Variants in ARFGEF1 observed in about 807,000 individuals in gnomAD.
ARFGEF1 encodes the protein brefeldin A-inhibited guanine nucleotide-exchange protein 1.
In ARFGEF1, 42 loss-of-function variants were observed where a neutral mutation model predicts 231.0. That is an observed-to-expected ratio of 0.18 (90% CI 0.14 to 0.24). The LOEUF (loss-of-function observed/expected upper bound fraction) is 0.24, where lower values mean the gene tolerates loss of function less well. Among genes scored for constraint, ARFGEF1 ranks in the 10% least tolerant of loss-of-function variants. The pLI is 1.00. For synonymous variants in ARFGEF1, 710 were observed against 732.3 expected (o/e 0.97, Z 0.49); for missense variants, 1,345 against 2,192.0 (o/e 0.61, Z 7.72).
chr8:67,177,567 G>C, intron 5 of ARFGEF1: 1 of 677,976 alleles, frequency 1.5e-6, no homozygotes, highest in South Asian at 1.9e-5. Flanking sequence ...AAGTGTGATA[G>C]TTGAAAAGTA....
In ARFGEF1 at chr8:67,266,210, G is replaced by A. The variant is rs1340693556; in HGVS notation, c.1922-3C>T. On this transcript the variant is annotated splice_polypyrimidine_tract_variant and splice_region_variant and intron_variant, in intron 13 of 38. Transcript: ENST00000262215. ...TTGCTCTGAGGGTTTTTCCTGACCT[G>A]AAAGAAGAAAAATTGATAGAGTACA... 4 of 1,609,904 alleles carry A rather than the reference G, an allele frequency of 2.5e-6. No individual in the cohort carries two copies. The highest frequency in any genetic ancestry group is 3.4e-5 in the Admixed American group (2 of 59,610).
rs1465011730 is a variant in ARFGEF1, at chr8:67,266,943, C to T, written c.1854G>A (p.Ser618=). The T allele has an allele frequency of 9.9e-6, 16 of 1,613,444 alleles. No homozygotes were observed. Among genetic ancestry groups the T allele is most frequent in the Admixed American group, 3.3e-5 (2 of 59,968 alleles). ...LRKKGLECLV[S]ILKCMVEWSK... ...TCCATTCAACCATACACTTCAAAAT[C>T]GACACTAAGCATTCTAAACCTTTTT... The change falls in exon 13 of 39, where the codon TCG becomes TCA. Residue 618 remains serine (S), a synonymous_variant. Transcript: ENST00000262215.
At chr8:67,199,842 G>A (rs757149400) in intron 38 of ARFGEF1, 25 of 175,320 alleles carry the variant, frequency 1.4e-4, no homozygotes, top group Admixed American at 3.8e-4. Flanking sequence ...TAAGAATAGA[G>A]TGTACATTTT....
At chr8:67,252,282 C>CAAAAA (rs57653248) in intron 18 of ARFGEF1, among the ~76,000 whole-genome samples, 5 of 21,874 alleles carry the variant, frequency 2.3e-4, no homozygotes, top group Non-Finnish European at 5.0e-4. Flanking sequence ...AACTCCATCT[C>CAAAAA]AAAAAAAAAA....
intron 2 of ARFGEF1, among the ~76,000 whole-genome samples, chr8:67,301,840 T>A (rs1345500282): frequency 6.6e-6 from 1 of 152,230 alleles, no homozygotes. Flanking sequence ...AAGAAAAGAC[T>A]CTGAAGCCTA....
At position 67,197,787 on chromosome 8, in the gene ARFGEF1, A is replaced by G; in HGVS notation, c.*1147T>C. On this transcript the variant is annotated 3_prime_UTR_variant, in exon 39 of 39. Coordinates refer to ENST00000262215, the MANE Select transcript of ARFGEF1 (RefSeq NM_006421.5). The stretch of plus-strand genomic sequence containing the variant: ...TTTACATAGAAAACTTTACATCTGT[A>G]CCATATACATTTTGTCCATCTGAAA... 2.0e-6 allele frequency: 2 copies of G among 985,894 alleles called. No homozygotes were observed. The highest frequency in any genetic ancestry group is 2.4e-6 in the Non-Finnish European group (2 of 829,930). The allele number at this position is 985,894 out of a possible 1,614,324, so 61.1% of individuals were successfully genotyped here.
chr8:67,338,296 T>C (rs1167646199), intron 1 of ARFGEF1, among the ~76,000 whole-genome samples: 1 of 152,196 alleles, frequency 6.6e-6, no homozygotes, highest in African/African-American at 2.4e-5. Flanking sequence ...AAACCTCTTC[T>C]AGAAGATGGT....
At chr8:67,330,472 C>A (rs1808050290) in intron 1 of ARFGEF1, among the ~76,000 whole-genome samples, 1 of 152,112 alleles carries the variant, frequency 6.6e-6, no homozygotes, top group Non-Finnish European at 1.5e-5. Context: ...TTCAAACACA[C>A]AGATTCATCA....
downstream of ARFGEF1, chr8:67,195,298 T>TGAG: frequency 2.4e-6 from 2 of 838,206 alleles, no homozygotes; most frequent in Non-Finnish European, 4.2e-6. Context: ...TGAGTTGTAA[T>TGAG]GAGTTGGACT....
chr8:67,192,800 A>T (rs1203390247), downstream of ARFGEF1, among the ~76,000 whole-genome samples: 2 of 151,400 alleles, frequency 1.3e-5, no homozygotes, highest in Non-Finnish European at 3.0e-5. Flanking sequence ...CTCCGTCCAT[A>T]AACGTAAGGA....
intron 1 of ARFGEF1, among the ~76,000 whole-genome samples, chr8:67,326,293 T>C (rs951261007): frequency 6.6e-6 from 1 of 152,216 alleles, no homozygotes; most frequent in Admixed American, 6.5e-5. Context: ...AACTGATAAA[T>C]GGCAGTTTCC....
chr8:67,201,351 A>G (rs749675088), intron 37 of ARFGEF1, 116 bp downstream of exon 37: 39 of 1,293,444 alleles, frequency 3.0e-5, no homozygotes, highest in Non-Finnish European at 4.1e-5. Flanking sequence ...GCTCTGTGGA[A>G]TAGGGGCATC....
downstream of ARFGEF1, chr8:67,195,849 C>T (rs898853393): frequency 2.8e-4 from 117 of 419,834 alleles, no homozygotes; most frequent in East Asian, 5.2e-3. Context: ...CTGGATTGAA[C>T]TACTATATGT....
intron 1 of ARFGEF1, among the ~76,000 whole-genome samples, chr8:67,316,517 GTGGCGC>G (rs1377994516): frequency 2.0e-5 from 3 of 151,664 alleles, no homozygotes; most frequent in African/African-American, 7.3e-5. Flanking sequence ...CTGGAGTGCA[GTGGCGC>G]AATCACAGCT....
chr8:67,204,156 A>G (rs997257336), intron 35 of ARFGEF1, among the ~76,000 whole-genome samples: 4 of 152,124 alleles, frequency 2.6e-5, no homozygotes, highest in African/African-American at 9.7e-5. Flanking sequence ...ACTTCTTAAC[A>G]GAGTACTGGC....
chr8:67,237,719 T>A (rs184092285), intron 22 of ARFGEF1, among the ~76,000 whole-genome samples: 164 of 152,296 alleles, frequency 1.1e-3, no homozygotes, highest in African/African-American at 3.7e-3. Context: ...CTCGGCGAAC[T>A]AAAGTAACTT....
chr8:67,329,205 A>G (rs115031089), intron 1 of ARFGEF1, among the ~76,000 whole-genome samples: 2,466 of 148,944 alleles, frequency 0.017, 70 homozygotes, highest in African/African-American at 0.058. Flanking sequence ...CAGCCTGGGC[A>G]TCTTTAAAAA....
intron 17 of ARFGEF1, among the ~76,000 whole-genome samples, chr8:67,256,185 T>C (rs527332897): frequency 6.6e-6 from 1 of 152,296 alleles, no homozygotes; most frequent in South Asian, 2.1e-4. Context: ...TATAAAGCCG[T>C]AGAATAGAAG....
Position 67,228,330 on chromosome 8 carries a change from T to C in ARFGEF1, c.3381-66A>G, listed in dbSNP as rs867364863. The C allele has an allele frequency of 1.9e-4, 277 of 1,453,198 alleles. 2 individuals carry two copies. The highest frequency in any genetic ancestry group is 7.1e-4 in the South Asian group (58 of 82,234). The allele number at this position is 1,453,198 out of a possible 1,614,324, so 90.0% of individuals were successfully genotyped here. ...CTGTTCTTATTCCAATTGAAAAGTA[T>C]GTGGCATGGGGTACTAGCTATTTTT... On this transcript the variant is annotated intron_variant, in intron 23 of 38. Transcript: ENST00000262215.
Sources: allele counts gnomAD v4.1 joint callset (sites outside exome capture counted in the v4.1 genomes callset), GRCh38; gene constraint gnomAD v4.1.1; transcripts MANE v1.5; gene names NCBI Gene and HGNC (gene_info 2026-07-23, HGNC 2026-07-21).